GRB2: variants seen among roughly 807,000 people sequenced by gnomAD.
The protein encoded by GRB2 is growth factor receptor-bound protein 2.
Under a neutral mutation model 27.4 loss-of-function variants are expected in GRB2, and 2 were observed. That is an observed-to-expected ratio of 0.07 (90% CI 0.03 to 0.23). The LOEUF (loss-of-function observed/expected upper bound fraction) is 0.23. GRB2 is among the 10% of genes least tolerant of loss of function. The pLI is 1.00. For synonymous variants in GRB2, 94 were observed against 99.6 expected (o/e 0.94, Z 0.33); for missense variants, 102 against 282.4 (o/e 0.36, Z 4.58).
intron 2 of GRB2, among the ~76,000 whole-genome samples, chr17:75,341,110 G>A (rs1308414873): frequency 6.6e-5 from 10 of 152,086 alleles, no homozygotes; most frequent in Non-Finnish European, 1.3e-4. Context: ...AGAAAGTTGA[G>A]AAGAAATGAA....
chr17:75,354,087 G>C (rs984921493), intron 2 of GRB2, among the ~76,000 whole-genome samples: 2 of 152,038 alleles, frequency 1.3e-5, no homozygotes, highest in African/African-American at 4.8e-5. Flanking sequence ...AATGTTTTGA[G>C]TCCTTGCATG....
At chr17:75,329,933 G>C (rs545930800) in intron 3 of GRB2, among the ~76,000 whole-genome samples, 1 of 152,176 alleles carries the variant, frequency 6.6e-6, no homozygotes, top group South Asian at 2.1e-4. Context: ...TTTTTAAAAT[G>C]ATGATATGTA....
intron 2 of GRB2, among the ~76,000 whole-genome samples, chr17:75,381,726 A>AG (rs2078929704): frequency 7.0e-6 from 1 of 142,518 alleles, no homozygotes; most frequent in Non-Finnish European, 1.5e-5. Context: ...GTCTCAAAAA[A>AG]AAAAAAAAGA....
chr17:75,320,322 T>A lies in GRB2; in HGVS notation c.*46A>T. The A allele has an allele frequency of 6.6e-7, 1 of 1,506,602 alleles. No individual in the cohort carries two copies. The highest frequency in any genetic ancestry group is 9.2e-7 in the Non-Finnish European group (1 of 1,082,964). 93.3% of individuals were successfully genotyped at this position (1,506,602 alleles called of 1,614,324 possible). ...AGCTTGTGGGTTTAATTCTTTTGTA[T>A]GTGTTTTACATTTTTCACTTTCTTT... On this transcript the variant is annotated 3_prime_UTR_variant, in exon 6 of 6. Coordinates refer to ENST00000316804, the MANE Select transcript of GRB2 (RefSeq NM_002086.5). The surrounding 1 kb of genome is among the most constrained non-coding windows in gnomAD (Gnocchi z 4.3).
At chr17:75,361,230 G>A (rs983726236) in intron 2 of GRB2, among the ~76,000 whole-genome samples, 1 of 152,076 alleles carries the variant, frequency 6.6e-6, no homozygotes, top group Non-Finnish European at 1.5e-5. Context: ...CTAATAAAAA[G>A]AAAAAGTGCA....
In GRB2 at chr17:75,318,513, C is replaced by A. The variant is rs751214712; in HGVS notation, c.*1855G>T. The stretch of plus-strand genomic sequence containing the variant: ...GAGAGGGAGGCAGTCTTGTTTTTGT[C>A]GTGGGAAGGGGTTTGGGTGGAGAAA... On this transcript the variant is annotated 3_prime_UTR_variant, in exon 6 of 6. Coordinates refer to ENST00000316804, the MANE Select transcript of GRB2 (RefSeq NM_002086.5). The A allele has an allele frequency of 5.9e-5, 9 of 152,308 alleles. No homozygotes were observed. Among genetic ancestry groups the A allele is most frequent in the African/African-American group, 1.7e-4 (7 of 41,542 alleles). The allele number at this position is 152,308 out of a possible 1,614,324, so 9.4% of individuals were successfully genotyped here. A position where few individuals can be genotyped will look rare whatever the true frequency, so the allele number is the denominator to read the frequency against.
chr17:75,351,398 T>C (rs1019220809), intron 2 of GRB2, among the ~76,000 whole-genome samples: 2 of 152,070 alleles, frequency 1.3e-5, no homozygotes, highest in African/African-American at 4.8e-5. Flanking sequence ...ACCTGTAATC[T>C]AGCACTTTGA....
intron 1 of GRB2, among the ~76,000 whole-genome samples, chr17:75,399,136 C>T (rs1279617440): frequency 1.3e-5 from 2 of 152,142 alleles, no homozygotes; most frequent in Admixed American, 6.5e-5. Context: ...CAGCCTCAAA[C>T]TCCTTGGCTC....
At chr17:75,352,467 G>A (rs2078698764) in intron 2 of GRB2, among the ~76,000 whole-genome samples, 1 of 152,008 alleles carries the variant, frequency 6.6e-6, no homozygotes, top group South Asian at 2.1e-4. Context: ...CTGATTTCAT[G>A]TTGTGCTTAA....
At chr17:75,358,043 G>A (rs1473103496) in intron 2 of GRB2, among the ~76,000 whole-genome samples, 4 of 152,182 alleles carry the variant, frequency 2.6e-5, no homozygotes, top group Admixed American at 1.3e-4. Flanking sequence ...GGTTGCAGAC[G>A]ACATGCATGA....
chr17:75,355,115 G>A (rs907176502), intron 2 of GRB2, among the ~76,000 whole-genome samples: 9 of 152,170 alleles, frequency 5.9e-5, no homozygotes, highest in Non-Finnish European at 1.2e-4. Flanking sequence ...GCCAGGACCT[G>A]TACTCGTACT....
chr17:75,359,274 G>A (rs1293363863), intron 2 of GRB2, among the ~76,000 whole-genome samples: 2 of 151,564 alleles, frequency 1.3e-5, no homozygotes, highest in Non-Finnish European at 2.9e-5. Flanking sequence ...GGGAGGCCAA[G>A]GCAGGAGGAC....
At chr17:75,377,645 G>A (rs1339490870) in intron 2 of GRB2, among the ~76,000 whole-genome samples, 5 of 144,944 alleles carry the variant, frequency 3.4e-5, no homozygotes, top group African/African-American at 1.0e-4. Flanking sequence ...GGTAGTTCAC[G>A]CCTGTAATCC....
intron 2 of GRB2, among the ~76,000 whole-genome samples, chr17:75,352,634 A>C (rs1007173063): frequency 4.6e-5 from 7 of 152,186 alleles, no homozygotes; most frequent in African/African-American, 1.7e-4. Context: ...GCGATCAGAC[A>C]TATTATGTGA....
intron 2 of GRB2, among the ~76,000 whole-genome samples, chr17:75,375,115 C>T (rs1229403772): frequency 6.6e-6 from 1 of 151,808 alleles, no homozygotes; most frequent in African/African-American, 2.4e-5. Flanking sequence ...ACTGTGTTGC[C>T]CAGGCTGGTC....
chr17:75,327,324 C>G (rs11868319), intron 3 of GRB2, among the ~76,000 whole-genome samples: 11,590 of 151,878 alleles, frequency 0.076, 456 homozygotes, highest in Middle Eastern at 0.13. Context: ...GTTGATCCGC[C>G]TGCCTTGGCC....
intron 3 of GRB2, among the ~76,000 whole-genome samples, chr17:75,328,499 G>T (rs9909035): frequency 0.57 from 84,310 of 147,672 alleles, 28,586 homozygotes; most frequent in East Asian, 0.85. Context: ...AATTAGCAAG[G>T]CGCGGTGGCG....
intron 2 of GRB2, among the ~76,000 whole-genome samples, chr17:75,393,067 T>G (rs924222840): frequency 6.6e-6 from 1 of 152,234 alleles, no homozygotes; most frequent in Non-Finnish European, 1.5e-5. Context: ...AGTTTTGGTA[T>G]GTACTTCTAA....
chr17:75,364,305 T>A (rs2078805674), intron 2 of GRB2, among the ~76,000 whole-genome samples: 1 of 152,202 alleles, frequency 6.6e-6, no homozygotes, highest in South Asian at 2.1e-4. Context: ...CTCAACATGT[T>A]TGAGAAATGA....
Sources: gnomAD v4.1 joint callset for allele counts (sites outside exome capture counted in the v4.1 genomes callset) on GRCh38, gnomAD v4.1.1 for gene constraint, Gnocchi (gnomAD v3.1) non-coding constraint, MANE v1.5 for transcripts, NCBI Gene and HGNC (gene_info 2026-07-23, HGNC 2026-07-21) for gene names.